The following DOCK4 variants were observed in gnomAD, a reference collection of about 807,000 sequenced individuals.
DOCK4 encodes dedicator of cytokinesis 4.
In DOCK4, 97 loss-of-function variants were observed where a neutral mutation model predicts 268.1. That is an observed-to-expected ratio of 0.36 (90% confidence interval 0.31 to 0.43). The LOEUF is 0.43. Among genes scored for constraint, DOCK4 ranks in the 20% least tolerant of loss-of-function variants. The probability of loss-of-function intolerance (pLI) is 1.00; values close to 1 mark genes in which losing one functional copy is unlikely to be tolerated. For synonymous variants in DOCK4, 954 were observed against 887.2 expected, an observed-to-expected ratio of 1.08 and a Z score of -1.34; for missense variants, 2,145 against 2,455.7, an observed-to-expected ratio of 0.87 and a Z score of 2.67.
chr7:111,926,116 G>GAA (rs1793616369), intron 12 of DOCK4, among the ~76,000 whole-genome samples: 1 of 126,860 alleles, frequency 7.9e-6, no homozygotes, highest in African/African-American at 3.2e-5. Flanking sequence ...GAGAGAGAAA[G>GAA]AGAAAAAGAA....
chr7:111,796,086 C>T (rs540439833), intron 30 of DOCK4, among the ~76,000 whole-genome samples: 13 of 152,248 alleles, frequency 8.5e-5, no homozygotes, highest in African/African-American at 2.9e-4. Context: ...TTAGCTGCAC[C>T]CTGGGGCATC....
intron 52 of DOCK4, among the ~76,000 whole-genome samples, chr7:111,729,865 G>A (rs1244302739): frequency 6.6e-6 from 1 of 152,222 alleles, no homozygotes; most frequent in African/African-American, 2.4e-5. Flanking sequence ...CCTCGGGGCT[G>A]TAGCCTGTGA....
At chr7:111,977,436 T>C (rs1015342157) in intron 7 of DOCK4, among the ~76,000 whole-genome samples, 153 bp from the exon 8 acceptor site, 2 of 152,274 alleles carry the variant, frequency 1.3e-5, no homozygotes, top group South Asian at 2.1e-4. Flanking sequence ...CAGCAAAATA[T>C]ACATTCTATG....
intron 42 of DOCK4, among the ~76,000 whole-genome samples, chr7:111,751,185 C>G (rs117829276): frequency 1.3e-5 from 2 of 152,260 alleles, no homozygotes; most frequent in Non-Finnish European, 2.9e-5. Flanking sequence ...TTTATCAAGT[C>G]TCTAGTTCTA....
chr7:111,922,767 G>A (rs1793256130), intron 12 of DOCK4, among the ~76,000 whole-genome samples: 1 of 151,894 alleles, frequency 6.6e-6, no homozygotes. Context: ...ACTTTTAGTA[G>A]AGACGGGGTT....
intron 36 of DOCK4, among the ~76,000 whole-genome samples, chr7:111,776,523 AAC>A (rs1156996481): frequency 6.6e-6 from 1 of 152,204 alleles, no homozygotes; most frequent in Non-Finnish European, 1.5e-5. Flanking sequence ...AACAAAAATG[AAC>A]AGAGTTCCAG....
chr7:111,763,447 A>C (rs1797577834), intron 39 of DOCK4, among the ~76,000 whole-genome samples: 2 of 152,244 alleles, frequency 1.3e-5, no homozygotes, highest in Admixed American at 6.5e-5. Flanking sequence ...TTTTAAAAGA[A>C]GAATGATATA....
chr7:111,783,147 C>T (rs1798903613), intron 34 of DOCK4, among the ~76,000 whole-genome samples: 1 of 152,130 alleles, frequency 6.6e-6, no homozygotes, highest in Non-Finnish European at 1.5e-5. Context: ...TCAGAGACTC[C>T]TGAGCATCAG....
intron 26 of DOCK4, 21 bp downstream of exon 26, chr7:111,834,567 A>C: frequency 6.7e-7 from 1 of 1,501,196 alleles, no homozygotes; most frequent in Non-Finnish European, 9.0e-7. Context: ...GTTAAAGAAA[A>C]CATTTTAAAA....
chr7:111,831,201 C>T (rs1253744190), intron 26 of DOCK4, among the ~76,000 whole-genome samples: 1 of 152,148 alleles, frequency 6.6e-6, no homozygotes, highest in African/African-American at 2.4e-5. Flanking sequence ...ATACCTAACT[C>T]CTCCTGGGAT....
At chr7:112,181,518 A>T (rs1819032831) in intron 1 of DOCK4, among the ~76,000 whole-genome samples, 1 of 151,344 alleles carries the variant, frequency 6.6e-6, no homozygotes, top group Non-Finnish European at 1.5e-5. Context: ...TTAGCCAGGG[A>T]TAGTGGTTTG....
intron 1 of DOCK4, among the ~76,000 whole-genome samples, chr7:112,140,027 A>G (rs377297019): frequency 6.6e-6 from 1 of 152,196 alleles, no homozygotes; most frequent in African/African-American, 2.4e-5. Flanking sequence ...ATGAGGAAAA[A>G]GAGACATCCC....
chr7:112,206,251 C>T lies in DOCK4; in HGVS notation c.-113G>A. Reference sequence around the variant, plus strand: ...GCAGTGCCGGAGCCCAGCGGCTTCGCGCGGGCTGCGGGCGCTGGGCAGGAT... The same window carrying T: ...GCAGTGCCGGAGCCCAGCGGCTTCGTGCGGGCTGCGGGCGCTGGGCAGGAT... On this transcript the variant is annotated 5_prime_UTR_variant, in exon 1 of 53. Transcript: ENST00000428084. The T allele has an allele frequency of 2.4e-6, 3 of 1,244,680 alleles. No individual in the cohort carries two copies. The highest frequency in any genetic ancestry group is 1.3e-5 in the South Asian group (1 of 75,576). 77.1% of individuals were successfully genotyped at this position (1,244,680 alleles called of 1,614,324 possible). A position where few individuals can be genotyped will look rare whatever the true frequency, so the allele number is the denominator to read the frequency against.
At chr7:112,095,397 C>A (rs913392202) in intron 1 of DOCK4, among the ~76,000 whole-genome samples, 1 of 151,860 alleles carries the variant, frequency 6.6e-6, no homozygotes, top group African/African-American at 2.4e-5. Flanking sequence ...AAATGGTGAA[C>A]AGGACACAAA....
At chr7:112,012,230 A>C (rs1454161561) in intron 1 of DOCK4, among the ~76,000 whole-genome samples, 1 of 152,152 alleles carries the variant, frequency 6.6e-6, no homozygotes, top group Non-Finnish European at 1.5e-5. Flanking sequence ...CCCTTTCTCT[A>C]TTCTGTTATT....
chr7:111,735,175 G>T lies in DOCK4; in HGVS notation c.5306-8C>A, dbSNP rs1795388477. 2 of 1,552,962 alleles carry T rather than the reference G, an allele frequency of 1.3e-6. No homozygotes were observed. Among genetic ancestry groups the T allele is most frequent in the Non-Finnish European group, 1.7e-6 (2 of 1,146,270 alleles). On this transcript the variant is annotated splice_polypyrimidine_tract_variant and splice_region_variant and intron_variant, in intron 50 of 52. Coordinates refer to ENST00000428084, the MANE Select transcript of DOCK4 (RefSeq NM_001363540.2). ...TAGGGGTGGGGTTCACAGCTGGAAG[G>T]GAATAACACAGCTAAAAACACACGG...
chr7:111,843,047 T>G (rs994626537), intron 25 of DOCK4, among the ~76,000 whole-genome samples: 1 of 152,056 alleles, frequency 6.6e-6, no homozygotes, highest in Non-Finnish European at 1.5e-5. Flanking sequence ...AACCTCAAAT[T>G]GAATGAAAAA....
chr7:111,984,856 T>C (rs563749913), intron 6 of DOCK4, among the ~76,000 whole-genome samples: 1 of 152,338 alleles, frequency 6.6e-6, no homozygotes, highest in East Asian at 1.9e-4. Flanking sequence ...GTTTCTTATA[T>C]GAATCTCTGG....
At chr7:112,203,238 C>T (rs1235083502) in intron 1 of DOCK4, among the ~76,000 whole-genome samples, 1 of 152,214 alleles carries the variant, frequency 6.6e-6, no homozygotes, top group Non-Finnish European at 1.5e-5. Context: ...CACTGTGCCT[C>T]TTAACATGAT....
Sources: gnomAD v4.1 joint callset for allele counts (sites outside exome capture counted in the v4.1 genomes callset) on GRCh38, gnomAD v4.1.1 for gene constraint, MANE v1.5 for transcripts, NCBI Gene and HGNC (gene_info 2026-07-23, HGNC 2026-07-21) for gene names.